BCL6B: variants seen among roughly 807,000 people sequenced by gnomAD.
BCL6B encodes the protein B-cell CLL/lymphoma 6 member B protein.
A neutral mutation model predicts 44.6 loss-of-function variants in BCL6B; 28 were observed. The ratio of observed to expected loss-of-function variants is 0.63; its 90% CI spans 0.47 to 0.86. The LOEUF (loss-of-function observed/expected upper bound fraction) is 0.86, where lower values mean the gene tolerates loss of function less well. Among genes scored for constraint, BCL6B ranks in the 40% least tolerant of loss-of-function variants. BCL6B has a pLI of 0.00. For missense variants in BCL6B, 626 were observed against 652.3 expected, an observed-to-expected ratio of 0.96 and a Z score of 0.44; for synonymous variants, 268 against 263.6, an observed-to-expected ratio of 1.02 and a Z score of -0.16.
chr17:7,023,870 G>T lies in BCL6B; in HGVS notation c.179+20G>T. 1.2e-6 allele frequency: 2 copies of T among 1,607,522 alleles called. No homozygotes were observed. Among genetic ancestry groups the T allele is most frequent in the South Asian group, 2.2e-5 (2 of 90,796 alleles). On this transcript the variant is annotated intron_variant, in intron 2 of 8. Coordinates refer to ENST00000293805, the MANE Select transcript of BCL6B (RefSeq NM_181844.4). ...CTGCAGGTTCGAGGGGTGGGGCCTG[G>T]GGCGGGGCCAAATGGGAAAGGGGTG...
At position 7,027,436 on chromosome 17, in the gene BCL6B, C is replaced by T. The variant is rs548801112; in HGVS notation, c.1324-67C>T. On this transcript the variant is annotated intron_variant, in intron 8 of 8. Coordinates refer to ENST00000293805, the MANE Select transcript of BCL6B (RefSeq NM_181844.4). ...TTCCCACCTGGGAGAGCTGGACGGC[C>T]GCCCGGCTCAACACCTAAAAGGTGA... is the stretch of plus-strand genomic sequence containing the variant. 8.8e-5 allele frequency: 139 copies of T among 1,576,204 alleles called. 3 individuals carry two copies. In the Middle Eastern group the frequency reaches 1.2e-3, roughly 13 times the overall value.
rs533442653 is a variant in BCL6B at position 7,023,249 on chromosome 17, C to A, written c.-13+150C>A. 42 of 187,440 alleles carry A rather than the reference C, an allele frequency of 2.2e-4. No homozygotes were observed. The South Asian group carries it at 4.9e-3, about 22-fold the overall frequency. 11.6% of individuals were successfully genotyped at this position (187,440 alleles called of 1,614,324 possible). ...ATAGGAGTCGCAGAATTCCGTAGTTCGGGGAAGGGAGCCTCGGCTGGGATT... is the reference window on the plus strand; with the variant it reads ...ATAGGAGTCGCAGAATTCCGTAGTTAGGGGAAGGGAGCCTCGGCTGGGATT... On this transcript the variant is annotated intron_variant, in intron 1 of 8. Transcript: ENST00000293805.
At chr17:7,023,371 TG>T in intron 1 of BCL6B, 2 of 417,250 alleles carry the variant, frequency 4.8e-6, no homozygotes, top group Non-Finnish European at 8.7e-6. Context: ...GGAGGGGCAC[TG>T]GGGGTCGAAC....
rs956478988 is a variant in BCL6B at position 7,027,591 on chromosome 17, T to C, written c.1412T>C (p.Val471Ala). 1 of 1,613,484 alleles carries C rather than the reference T, an allele frequency of 6.2e-7. No homozygotes were observed. Among genetic ancestry groups the C allele is most frequent in the Non-Finnish European group, 8.5e-7 (1 of 1,179,954 alleles). ...CACGGAGCTGCTACCAACACCAAAGTGCACTACCACATTCTCGGGGGGCCC... is the reference window on the plus strand; with the variant it reads ...CACGGAGCTGCTACCAACACCAAAGCGCACTACCACATTCTCGGGGGGCCC... ...QKHGAATNTKVHYHILGGP is the reference protein window; with the variant it reads ...QKHGAATNTKAHYHILGGP Residue 471 changes from valine (V) to alanine (A), a missense_variant, in exon 9 of 9, where the codon GTG becomes GCG. By Grantham distance (64) the Val-to-Ala change is moderately conservative. Transcript: ENST00000293805.
Position 7,024,700 on chromosome 17 carries a change from CCAGCAGCAGCAGCAGCAG to C in BCL6B, c.714_731del (p.Ser239_Ser244del), listed in dbSNP as rs55799550. The C allele has an allele frequency of 6.9e-6, 10 of 1,458,678 alleles. No individual in the cohort carries two copies. The highest frequency in any genetic ancestry group is 1.2e-5 in the South Asian group (1 of 82,654). The allele number at this position is 1,458,678 out of a possible 1,614,324, so 90.4% of individuals were successfully genotyped here. A position where few individuals can be genotyped will look rare whatever the true frequency, so the allele number is the denominator to read the frequency against. On this transcript the variant is annotated inframe_deletion, in exon 4 of 9. Coordinates refer to ENST00000293805, the MANE Select transcript of BCL6B (RefSeq NM_181844.4). The surrounding 1 kb of genome is among the most constrained non-coding windows in gnomAD (Gnocchi z 6.6). ...AGGCTCCCCAGTGGAGACGAGGCCTCCAGCAGCAGCAGCAGCAGCAGCAGCAGCAGTGAAGAAGGACCC... is the reference window on the plus strand; with the variant it reads ...AGGCTCCCCAGTGGAGACGAGGCCTCCAGCAGCAGCAGTGAAGAAGGACCC...
Position 7,024,627 on chromosome 17 carries a change from G to A in BCL6B, c.628G>A (p.Gly210Arg). The A allele has an allele frequency of 6.2e-7, 1 of 1,614,188 alleles. No homozygotes were observed. The highest frequency in any genetic ancestry group is 1.1e-5 in the South Asian group (1 of 91,080). ...IVLNSQASQA[G>R]SLVGERSSGQ... is the part of the protein sequence containing the mutation. ...GCTAAACTCTCAGGCCTCCCAAGCAGGGAGCCTGGTCGGGGAGAGAAGTTC... is the reference window on the plus strand; with the variant it reads ...GCTAAACTCTCAGGCCTCCCAAGCAAGGAGCCTGGTCGGGGAGAGAAGTTC... The change falls in exon 4 of 9, where the codon GGG (glycine) becomes AGG (arginine). Residue 210 changes from glycine to arginine, a missense_variant. By Grantham distance (125) the Gly-to-Arg change is moderately radical (BLOSUM62 -2). Transcript: ENST00000293805. This position sits in a 1 kb window ranked among gnomAD's most constrained non-coding sequence, Gnocchi z 6.6.
chr17:7,027,122 A>AAT, intron 8 of BCL6B, 35 bp downstream of exon 8: 3 of 1,611,914 alleles, frequency 1.9e-6, no homozygotes, highest in Non-Finnish European at 2.5e-6. Context: ...ACTGCCTTAG[A>AAT]ATTACCTCTC....
intron 5 of BCL6B, among the ~76,000 whole-genome samples, chr17:7,026,247 A>G (rs1224297125): frequency 2.0e-5 from 3 of 152,182 alleles, no homozygotes; most frequent in African/African-American, 7.2e-5. Flanking sequence ...AGAGGAGATT[A>G]GCTGAGTACT....
Position 7,028,311 on chromosome 17 carries a change from T to C in BCL6B, c.*692T>C, listed in dbSNP as rs929121330. On this transcript the variant is annotated 3_prime_UTR_variant, in exon 9 of 9. Coordinates refer to ENST00000293805, the MANE Select transcript of BCL6B (RefSeq NM_181844.4). ...GATTGTGGAATTGGGTCAGGAACCC[T>C]CTCTGGTATTCTGGATGTTGTAGGT... The C allele has an allele frequency of 5.1e-6, 5 of 985,478 alleles. No homozygotes were observed. Among genetic ancestry groups the C allele is most frequent in the Non-Finnish European group, 6.0e-6 (5 of 829,960 alleles). The allele number at this position is 985,478 out of a possible 1,614,324, so 61.0% of individuals were successfully genotyped here.
Position 7,028,102 on chromosome 17 carries a change from C to G in BCL6B, c.*483C>G, listed in dbSNP as rs1029940545. ...TGGCAGAGATTACTAGCCCTTGGCT[C>G]TCTCGTTTGGCTTGGGTATTTTATA... On this transcript the variant is annotated 3_prime_UTR_variant, in exon 9 of 9. Coordinates refer to ENST00000293805, the MANE Select transcript of BCL6B (RefSeq NM_181844.4). 3 of 987,806 alleles carry G rather than the reference C, an allele frequency of 3.0e-6. No individual in the cohort carries two copies. The highest frequency in any genetic ancestry group is 3.5e-5 in the African/African-American group (2 of 57,412). 61.2% of individuals were successfully genotyped at this position (987,806 alleles called of 1,614,324 possible). A position where few individuals can be genotyped will look rare whatever the true frequency, so the allele number is the denominator to read the frequency against.
chr17:7,024,466 C>T lies in BCL6B; in HGVS notation c.467C>T (p.Pro156Leu). The part of the protein sequence containing the change: ...EAEPPTPPTA[P>L]PPGSPRRSEG... ...GAACCCCCAACACCCCCAACGGCCC[C>T]TCCACCAGGTAGTCCCAGGCGCTCC... The change falls in exon 4 of 9, where the codon CCT (proline) becomes CTT (leucine). Residue 156 changes from proline to leucine, a missense_variant. Transcript: ENST00000293805. This position sits in a 1 kb window ranked among gnomAD's most constrained non-coding sequence, Gnocchi z 6.6. The T allele has an allele frequency of 6.2e-7, 1 of 1,614,012 alleles. No homozygotes were observed. The highest frequency in any genetic ancestry group is 1.1e-5 in the South Asian group (1 of 91,078).
At position 7,026,438 on chromosome 17, in the gene BCL6B, C is replaced by T; in HGVS notation, c.890-19C>T. ...CCTCATTAATAACTATGGTTGCCGT[C>T]ACCCATTCCCCTTCCCAGGAAGTGA... On this transcript the variant is annotated intron_variant, in intron 5 of 8. Transcript: ENST00000293805. 6.2e-7 allele frequency: 1 copy of T among 1,612,650 alleles called. No individual in the cohort carries two copies. Among genetic ancestry groups the T allele is most frequent in the African/African-American group, 1.3e-5 (1 of 75,034 alleles).
rs10521149 is a variant in BCL6B at position 7,028,821 on chromosome 17, A to C, written c.*1202A>C. 0.063 allele frequency: 61,698 copies of C among 985,372 alleles called. 1,927 individuals are homozygous for C. The highest frequency in any genetic ancestry group is 0.069 in the Middle Eastern group (133 of 1,914). The allele number at this position is 985,372 out of a possible 1,614,324, so 61.0% of individuals were successfully genotyped here. On this transcript the variant is annotated 3_prime_UTR_variant, in exon 9 of 9. Coordinates refer to ENST00000293805, the MANE Select transcript of BCL6B (RefSeq NM_181844.4). The stretch of plus-strand genomic sequence containing the variant: ...AACCCATCCTTTACTACAGAGGCAT[A>C]TGGGTTTGAATGTTACCTGGGGTTC...
At position 7,027,016 on chromosome 17, in the gene BCL6B, G is replaced by A. The variant is rs765213795; in HGVS notation, c.1252G>A (p.Gly418Arg). ...GEKPYPCPTC[G>R]TRFRHLQTLK... ...GAAGCCCTACCCTTGCCCTACCTGCGGAACCCGCTTCCGCCACCTGCAGAC... is the reference window on the plus strand; with the variant it reads ...GAAGCCCTACCCTTGCCCTACCTGCAGAACCCGCTTCCGCCACCTGCAGAC... Residue 418 changes from glycine (G) to arginine (R), a missense_variant, in exon 8 of 9, where the codon GGA becomes AGA. Transcript: ENST00000293805. 7 of 1,613,678 alleles carry A rather than the reference G, an allele frequency of 4.3e-6. No individual in the cohort carries two copies. The highest frequency in any genetic ancestry group is 4.5e-5 in the East Asian group (2 of 44,880).
intron 8 of BCL6B, 44 bp from the exon 9 acceptor site, chr17:7,027,459 T>C: frequency 6.2e-7 from 1 of 1,608,600 alleles, no homozygotes; most frequent in Non-Finnish European, 8.5e-7. Context: ...ACCTAAAAGG[T>C]GATTGTGGAT....
Position 7,024,241 on chromosome 17 carries a change from C to T in BCL6B, c.338C>T (p.Ala113Val). The T allele has an allele frequency of 6.2e-7, 1 of 1,613,698 alleles. No individual in the cohort carries two copies. Among genetic ancestry groups the T allele is most frequent in the Non-Finnish European group, 8.5e-7 (1 of 1,180,026 alleles). The change falls in exon 3 of 9, where the codon GCG (alanine) becomes GTG (valine). Residue 113 changes from alanine to valine, a missense_variant. Coordinates refer to ENST00000293805, the MANE Select transcript of BCL6B (RefSeq NM_181844.4). The surrounding 1 kb of genome is among the most constrained non-coding windows in gnomAD (Gnocchi z 6.6). ...CCAGCCACTGCACCAGCAGTCCTAG[C>T]GGCCGCCACCTATTTGCAGATGGAG... ...LSPATAPAVL[A>V]AATYLQMEHV...
rs746637815 is a variant in BCL6B at position 7,023,740 on chromosome 17, C to A, written c.69C>A (p.Asp23Glu). The change falls in exon 2 of 9, where the codon GAC becomes GAA. Residue 23 changes from aspartate to glutamate, a missense_variant. Transcript: ENST00000293805. ...GCGAGTTCACTCGCCACTCCTCCGA[C>A]GTGCTGGGCAACCTCAACGAGCTGC... ...YVREFTRHSS[D>E]VLGNLNELRL... The A allele has an allele frequency of 1.9e-6, 3 of 1,613,316 alleles. No homozygotes were observed. The highest frequency in any genetic ancestry group is 2.5e-6 in the Non-Finnish European group (3 of 1,180,034).
At position 7,027,798 on chromosome 17, in the gene BCL6B, C is replaced by T; in HGVS notation, c.*179C>T. ...GGTGGCAGATCCTGGCTAGATCTGC[C>T]TCTGTTTTGCTGGTCAAAACCTCTT... On this transcript the variant is annotated 3_prime_UTR_variant, in exon 9 of 9. Coordinates refer to ENST00000293805, the MANE Select transcript of BCL6B (RefSeq NM_181844.4). 1 of 1,431,564 alleles carries T rather than the reference C, an allele frequency of 7.0e-7. No individual in the cohort carries two copies. Among genetic ancestry groups the T allele is most frequent in the Non-Finnish European group, 9.1e-7 (1 of 1,096,962 alleles). 88.7% of individuals were successfully genotyped at this position (1,431,564 alleles called of 1,614,324 possible). A position where few individuals can be genotyped will look rare whatever the true frequency, so the allele number is the denominator to read the frequency against.
chr17:7,024,016 TTCCTGAAGCTGCGCATGTC>T lies in BCL6B; in HGVS notation c.180-63_180-45del. The T allele has an allele frequency of 1.9e-6, 3 of 1,561,248 alleles. No homozygotes were observed. On this transcript the variant is annotated intron_variant, in intron 2 of 8. Transcript: ENST00000293805. This position sits in a 1 kb window ranked among gnomAD's most constrained non-coding sequence, Gnocchi z 6.6. The stretch of plus-strand genomic sequence containing the variant: ...GCGGGACTTTTTCAGGGGGCGGGGC[TTCCTGAAGCTGCGCATGTC>T]TCCCTTGGTTCCCCAGCCCCCAAAG...
Sources: allele counts gnomAD v4.1 joint callset (sites outside exome capture counted in the v4.1 genomes callset), GRCh38; gene constraint gnomAD v4.1.1; non-coding constraint Gnocchi (gnomAD v3.1); transcripts MANE v1.5; gene names NCBI Gene and HGNC (gene_info 2026-07-23, HGNC 2026-07-21).